Variants in YAF2 observed in about 807,000 individuals in gnomAD.
YAF2 encodes YY1-associated factor 2.
YAF2 carries 7 observed loss-of-function variants against 20.1 expected under a neutral mutation model. The observed-to-expected ratio is 0.35, with a 90% CI of 0.20 to 0.65. YAF2 has a LOEUF of 0.65. YAF2 is among the 30% of genes least tolerant of loss of function. YAF2 has a pLI of 0.69. For missense variants in YAF2, 151 were observed against 219.2 expected (o/e 0.69, Z 1.96); for synonymous variants, 74 against 76.0 (o/e 0.97, Z 0.14).
rs1456813309 is a variant in YAF2 at position 42,157,453 on chromosome 12, A to C, written c.*3136T>G. On this transcript the variant is annotated 3_prime_UTR_variant, in exon 4 of 4. Coordinates refer to ENST00000534854, the MANE Select transcript of YAF2 (RefSeq NM_005748.6). ...CTCAGCATGAGTTTTGGTGAGGACAAACCATATCCAAACCATAGCAGGAAG... is the reference window on the plus strand; with the variant it reads ...CTCAGCATGAGTTTTGGTGAGGACACACCATATCCAAACCATAGCAGGAAG... The C allele has an allele frequency of 6.6e-6, 1 of 152,234 alleles. No homozygotes were observed. Among genetic ancestry groups the C allele is most frequent in the Non-Finnish European group, 1.5e-5 (1 of 68,058 alleles). The allele number at this position is 152,234 out of a possible 1,614,324, so 9.4% of individuals were successfully genotyped here.
intron 2 of YAF2, among the ~76,000 whole-genome samples, chr12:42,218,466 T>C (rs1246796929): frequency 6.6e-6 from 1 of 152,172 alleles, no homozygotes; most frequent in Non-Finnish European, 1.5e-5. Flanking sequence ...TAAAGTGGCC[T>C]ATGAATTGTT....
intron 2 of YAF2, among the ~76,000 whole-genome samples, chr12:42,224,875 C>T (rs1313273602): frequency 6.6e-6 from 1 of 152,132 alleles, no homozygotes; most frequent in African/African-American, 2.4e-5. Context: ...GATTTATAAT[C>T]CTTTGGGTAT....
chr12:42,210,025 C>T (rs1388465913), intron 2 of YAF2, among the ~76,000 whole-genome samples: 3 of 152,084 alleles, frequency 2.0e-5, no homozygotes, highest in Non-Finnish European at 2.9e-5. Context: ...CTCGAACTCC[C>T]GACCTCAGGT....
intron 2 of YAF2, among the ~76,000 whole-genome samples, chr12:42,174,862 G>C (rs930663005): frequency 1.3e-5 from 2 of 152,116 alleles, no homozygotes; most frequent in Admixed American, 1.3e-4. Flanking sequence ...GGAAAAACTA[G>C]ATTATGACAT....
chr12:42,194,987 A>T (rs1184846367), intron 2 of YAF2, among the ~76,000 whole-genome samples: 2 of 152,172 alleles, frequency 1.3e-5, no homozygotes, highest in East Asian at 3.9e-4. Flanking sequence ...GTACATCAAG[A>T]TCTTCTAAAC....
intron 2 of YAF2, among the ~76,000 whole-genome samples, chr12:42,224,773 T>C (rs1363060954): frequency 3.5e-4 from 54 of 152,214 alleles, no homozygotes; most frequent in Non-Finnish European, 1.2e-4. Flanking sequence ...ATCCAGTCTA[T>C]CATTGATGGG....
intron 2 of YAF2, among the ~76,000 whole-genome samples, chr12:42,227,183 C>T (rs1190288464): frequency 4.8e-5 from 7 of 144,710 alleles, no homozygotes; most frequent in African/African-American, 1.8e-4. Flanking sequence ...ACGGGCCCCA[C>T]GGGGCCCGAG....
chr12:42,192,599 A>G (rs1302079999), intron 2 of YAF2, among the ~76,000 whole-genome samples: 1 of 152,244 alleles, frequency 6.6e-6, no homozygotes, highest in South Asian at 2.1e-4. Flanking sequence ...AGTGACTTCC[A>G]TTATATTTTA....
intron 2 of YAF2, among the ~76,000 whole-genome samples, chr12:42,229,434 A>C (rs76239453): frequency 6.6e-6 from 1 of 151,614 alleles, no homozygotes; most frequent in Admixed American, 6.6e-5. Context: ...AAAAAAAAAA[A>C]AACATTTAAA....
intron 2 of YAF2, among the ~76,000 whole-genome samples, chr12:42,163,871 C>T (rs2136957268): frequency 6.6e-6 from 1 of 152,220 alleles, no homozygotes; most frequent in East Asian, 1.9e-4. Context: ...AAAAATAAAG[C>T]CCTTCTATCT....
At position 42,222,520 on chromosome 12, in the gene YAF2, G is replaced by T. The variant is rs113445537; in HGVS notation, c.152+15079C>A. 6.2e-3 allele frequency among the ~76,000 whole-genome samples: 939 copies of T among 152,272 alleles called. 7 individuals are homozygous for T. The highest frequency in any genetic ancestry group is 0.021 in the African/African-American group (886 of 41,546). On this transcript the variant is annotated intron_variant, in intron 2 of 3. Coordinates refer to ENST00000534854, the MANE Select transcript of YAF2 (RefSeq NM_005748.6). Reference sequence around the variant, plus strand: ...ATAGGGGCGGTTTGATGAGCAAATAGAAGGATATATAGGAAAGCACTCTGA... The same window carrying T: ...ATAGGGGCGGTTTGATGAGCAAATATAAGGATATATAGGAAAGCACTCTGA...
chr12:42,215,726 A>G (rs2067334699), intron 2 of YAF2, among the ~76,000 whole-genome samples: 1 of 152,058 alleles, frequency 6.6e-6, no homozygotes, highest in Non-Finnish European at 1.5e-5. Flanking sequence ...AGTTCAAGAC[A>G]GCCTGGCCAA....
intron 2 of YAF2, chr12:42,232,867 A>G (rs888110459): frequency 1.7e-5 from 17 of 985,336 alleles, no homozygotes; most frequent in Non-Finnish European, 1.9e-5. Flanking sequence ...TACTGTGTTC[A>G]GTTATAAACA....
At chr12:42,179,780 T>C (rs569891648) in intron 2 of YAF2, among the ~76,000 whole-genome samples, 2 of 111,222 alleles carry the variant, frequency 1.8e-5, no homozygotes, top group South Asian at 3.3e-4. Context: ...TGAGACCCTG[T>C]CTAAAAGGCA....
intron 2 of YAF2, chr12:42,199,396 A>G (rs1592230374): frequency 7.3e-6 from 2 of 273,410 alleles, no homozygotes; most frequent in Non-Finnish European, 1.4e-5. Context: ...ATTGTTCACT[A>G]TGATTTATTC....
intron 2 of YAF2, among the ~76,000 whole-genome samples, chr12:42,194,516 C>T (rs1401864578): frequency 6.6e-6 from 1 of 152,096 alleles, no homozygotes; most frequent in East Asian, 1.9e-4. Flanking sequence ...TGGTGGCAAG[C>T]GCCTGTAATC....
intron 2 of YAF2, chr12:42,237,307 G>A (rs896511322): frequency 9.3e-6 from 7 of 750,998 alleles, no homozygotes; most frequent in South Asian, 4.2e-5. Context: ...CCAGAATGGG[G>A]AGAGGGGCAT....
chr12:42,215,401 T>C (rs2067323807), intron 2 of YAF2, among the ~76,000 whole-genome samples: 1 of 151,620 alleles, frequency 6.6e-6, no homozygotes, highest in African/African-American at 2.4e-5. Flanking sequence ...ACCTCATATC[T>C]ACACAAAATT....
intron 2 of YAF2, among the ~76,000 whole-genome samples, chr12:42,194,741 C>T (rs1435085745): frequency 6.6e-6 from 1 of 152,174 alleles, no homozygotes; most frequent in Non-Finnish European, 1.5e-5. Context: ...TTACTAAATA[C>T]TACCTATGGT....
Sources: gnomAD v4.1 joint callset for allele counts (sites outside exome capture counted in the v4.1 genomes callset) on GRCh38, gnomAD v4.1.1 for gene constraint, MANE v1.5 for transcripts, NCBI Gene and HGNC (gene_info 2026-07-23, HGNC 2026-07-21) for gene names.